The following DNM3 variants were observed in gnomAD, a reference collection of about 807,000 sequenced individuals.
DNM3 encodes dynamin-3.
DNM3 carries 47 observed loss-of-function variants against 101.6 expected under a neutral mutation model. That is an observed-to-expected ratio of 0.46 (90% CI 0.37 to 0.59). DNM3 has a LOEUF of 0.59. Ranked by LOEUF, DNM3 falls within the 20% of genes least tolerant of loss-of-function variation. The probability of loss-of-function intolerance (pLI) is 0.00; values close to 1 mark genes in which losing one functional copy is unlikely to be tolerated. For synonymous variants in DNM3, 385 were observed against 387.9 expected, an observed-to-expected ratio of 0.99 and a Z score of 0.09; for missense variants, 849 against 1,085.7, an observed-to-expected ratio of 0.78 and a Z score of 3.06.
chr1:172,140,900 T>A (rs963396121), intron 14 of DNM3, among the ~76,000 whole-genome samples: 16 of 152,164 alleles, frequency 1.1e-4, no homozygotes, highest in African/African-American at 3.6e-4. Flanking sequence ...TTGACCTTTT[T>A]TTAATCTCCC....
chr1:171,957,271 C>T (rs1229412018), intron 2 of DNM3, among the ~76,000 whole-genome samples: 4 of 149,398 alleles, frequency 2.7e-5, no homozygotes, highest in East Asian at 3.9e-4. Context: ...GATCTCTGCT[C>T]ACTGCAAGCT....
intron 14 of DNM3, among the ~76,000 whole-genome samples, chr1:172,238,271 C>T (rs1207894133): frequency 6.6e-6 from 1 of 152,144 alleles, no homozygotes; most frequent in Non-Finnish European, 1.5e-5. Context: ...CTGCCCTACA[C>T]TTCCTGGTTT....
At chr1:172,194,166 C>T (rs1245013615) in intron 14 of DNM3, among the ~76,000 whole-genome samples, 8 of 152,116 alleles carry the variant, frequency 5.3e-5, no homozygotes, top group Middle Eastern at 3.4e-3. Flanking sequence ...TGTAGTTGAG[C>T]GGTTTTGAGT....
intron 12 of DNM3, among the ~76,000 whole-genome samples, chr1:172,083,713 A>G (rs1161465204): frequency 1.3e-5 from 2 of 151,912 alleles, no homozygotes; most frequent in East Asian, 1.9e-4. Flanking sequence ...TTTTTTTTCT[A>G]TGATAAATGA....
At chr1:172,398,252 T>C (rs562891978) in intron 20 of DNM3, among the ~76,000 whole-genome samples, 1 of 152,352 alleles carries the variant, frequency 6.6e-6, no homozygotes, top group African/African-American at 2.4e-5. Context: ...ATTTCCCTTG[T>C]TTCTCAGATG....
chr1:172,376,052 AT>A (rs1415711797), intron 17 of DNM3: 1 of 152,106 alleles, frequency 6.6e-6, no homozygotes, highest in Non-Finnish European at 1.5e-5. Context: ...AAAACTTTAT[AT>A]AACAGCCTGT....
At chr1:171,861,667 A>AT (rs2034191787) in intron 1 of DNM3, among the ~76,000 whole-genome samples, 1 of 152,174 alleles carries the variant, frequency 6.6e-6, no homozygotes, top group Non-Finnish European at 1.5e-5. Context: ...AATCTTGGTG[A>AT]TTTTAGATTA....
chr1:172,390,923 C>T (rs566740948), intron 20 of DNM3, among the ~76,000 whole-genome samples: 1 of 152,288 alleles, frequency 6.6e-6, no homozygotes, highest in South Asian at 2.1e-4. Context: ...TGCTTGACTG[C>T]TTTACCTGTG....
intron 4 of DNM3, among the ~76,000 whole-genome samples, chr1:171,995,253 G>A (rs957465161): frequency 2.0e-5 from 3 of 151,842 alleles, no homozygotes; most frequent in Non-Finnish European, 4.4e-5. Context: ...TTACAGGCAT[G>A]TGCCACCACA....
At chr1:171,900,568 G>T (rs1315855759) in intron 1 of DNM3, among the ~76,000 whole-genome samples, 1 of 152,150 alleles carries the variant, frequency 6.6e-6, no homozygotes, top group Non-Finnish European at 1.5e-5. Flanking sequence ...ATCTTGGTGA[G>T]GGCGGCTTCC....
At chr1:172,392,082 AAAAGGAGAG>A (rs1279918793) in intron 20 of DNM3, among the ~76,000 whole-genome samples, 1 of 152,254 alleles carries the variant, frequency 6.6e-6, no homozygotes, top group Non-Finnish European at 1.5e-5. Flanking sequence ...ATTCCAATAT[AAAAGGAGAG>A]GAAGGAGAGA....
chr1:172,207,761 A>G (rs2060372242), intron 14 of DNM3, among the ~76,000 whole-genome samples: 4 of 152,078 alleles, frequency 2.6e-5, no homozygotes, highest in African/African-American at 9.7e-5. Flanking sequence ...CTGTGTTTAA[A>G]ACAGTGTTGA....
chr1:171,890,784 G>C (rs1373127608), intron 1 of DNM3, among the ~76,000 whole-genome samples: 1 of 152,078 alleles, frequency 6.6e-6, no homozygotes, highest in Non-Finnish European at 1.5e-5. Context: ...GATTATTAGA[G>C]ACCAATCACA....
At chr1:172,375,095 A>T (rs1037754715) in intron 17 of DNM3, among the ~76,000 whole-genome samples, 10 of 152,000 alleles carry the variant, frequency 6.6e-5, no homozygotes, top group African/African-American at 2.4e-4. Flanking sequence ...TTTAAGTGTT[A>T]TCTTCTTATA....
Position 172,411,975 on chromosome 1 carries a change from A to C in DNM3, c.*4134A>C. 1.0e-6 allele frequency: 1 copy of C among 985,758 alleles called. No individual in the cohort carries two copies. The highest frequency in any genetic ancestry group is 4.7e-5 in the South Asian group (1 of 21,276). 61.1% of individuals were successfully genotyped at this position (985,758 alleles called of 1,614,324 possible). On this transcript the variant is annotated 3_prime_UTR_variant, in exon 21 of 21. Coordinates refer to ENST00000627582, the MANE Select transcript of DNM3 (RefSeq NM_015569.5). ...CTGTCTGGTTGCTATGTTTAAAATT[A>C]TGTGGTGCTGTGTAGGTGAAACTTT...
chr1:172,158,613 A>G (rs1012039872), intron 14 of DNM3, among the ~76,000 whole-genome samples: 4 of 152,066 alleles, frequency 2.6e-5, no homozygotes, highest in Non-Finnish European at 5.9e-5. Context: ...TACTGATTAG[A>G]AAGATGTTTC....
intron 20 of DNM3, among the ~76,000 whole-genome samples, chr1:172,395,500 G>C (rs2069908466): frequency 6.6e-6 from 1 of 152,104 alleles, no homozygotes; most frequent in Non-Finnish European, 1.5e-5. Flanking sequence ...ACGTTTACTA[G>C]AGTTGCTTTA....
At chr1:172,146,548 C>T (rs937965100) in intron 14 of DNM3, among the ~76,000 whole-genome samples, 1 of 152,110 alleles carries the variant, frequency 6.6e-6, no homozygotes, top group South Asian at 2.1e-4. Context: ...CCATAAGACT[C>T]ACCTCCCTTT....
At chr1:172,197,070 G>C (rs4394690) in intron 14 of DNM3, among the ~76,000 whole-genome samples, 38,423 of 151,952 alleles carry the variant, frequency 0.25, 5,378 homozygotes, top group Middle Eastern at 0.34. Flanking sequence ...AATCCACCTT[G>C]AGTTGATTTT....
Sources: gnomAD v4.1 joint callset for allele counts (sites outside exome capture counted in the v4.1 genomes callset) on GRCh38, gnomAD v4.1.1 for gene constraint, MANE v1.5 for transcripts, NCBI Gene and HGNC (gene_info 2026-07-23, HGNC 2026-07-21) for gene names.